Variants in CR2 observed in about 807,000 individuals in gnomAD.
The protein encoded by CR2 is complement C3d receptor 2.
A neutral mutation model predicts 123.0 loss-of-function variants in CR2; 96 were observed. The ratio of observed to expected loss-of-function variants is 0.78; its 90% confidence interval spans 0.66 to 0.93. The LOEUF (loss-of-function observed/expected upper bound fraction) is 0.93. CR2 is among the 40% of genes least tolerant of loss of function. The probability of loss-of-function intolerance (pLI) is 0.00; values close to 1 mark genes in which losing one functional copy is unlikely to be tolerated. For missense variants in CR2, 1,258 were observed against 1,361.0 expected (o/e 0.92, Z 1.19); for synonymous variants, 484 against 469.5 (o/e 1.03, Z -0.40).
chr1:207,478,856 C>T (rs1359090784), intron 16 of CR2, among the ~76,000 whole-genome samples: 1 of 151,544 alleles, frequency 6.6e-6, no homozygotes, highest in African/African-American at 2.4e-5. Flanking sequence ...TTGTTTTTGT[C>T]ATTGGTGGAC....
At chr1:207,458,069 C>CACACACACACACAT (rs1476461312) in intron 1 of CR2, among the ~76,000 whole-genome samples, 1 of 146,938 alleles carries the variant, frequency 6.8e-6, no homozygotes, top group Admixed American at 6.7e-5. Flanking sequence ...AACACACACA[C>CACACACACACACAT]ACACACACAC....
intron 1 of CR2, among the ~76,000 whole-genome samples, chr1:207,456,223 C>T (rs1226932894): frequency 6.6e-6 from 1 of 152,192 alleles, no homozygotes; most frequent in Non-Finnish European, 1.5e-5. Context: ...CTTGTATGCG[C>T]TGCTCATGGT....
rs1658317412 is a variant in CR2, at chr1:207,472,778, C to T, written c.1577C>T (p.Thr526Ile). The T allele has an allele frequency of 6.2e-7, 1 of 1,613,720 alleles. No individual in the cohort carries two copies. The highest frequency in any genetic ancestry group is 1.3e-5 in the African/African-American group (1 of 75,000). ...TATCTTTTCATCTCTCTAGAAATCA[C>T]CTGCCCACCACCCCCTGTTATCTAC... is the stretch of plus-strand genomic sequence containing the variant. ...FMEIRLCKEITCPPPPVIYNG... is the reference protein window; with the variant it reads ...FMEIRLCKEIICPPPPVIYNG... Residue 526 changes from threonine to isoleucine, a missense_variant, in exon 10 of 20, where the codon ACC (threonine) becomes ATC (isoleucine). Physicochemically the swap from Thr to Ile is moderately conservative, Grantham distance 89 (BLOSUM62 -1). Transcript: ENST00000367057.
rs559927943 is a variant in CR2 at position 207,468,282 on chromosome 1, A to G, written c.446-245A>G. 364 of 533,514 alleles carry G rather than the reference A, an allele frequency of 6.8e-4. 1 individual carries two copies. Among genetic ancestry groups the G allele is most frequent in the Admixed American group, 9.3e-4 (29 of 31,216 alleles). 33.0% of individuals were successfully genotyped at this position (533,514 alleles called of 1,614,324 possible). ...GCTACCCGTGGACAGCATGTGGCCC[A>G]GGATGGCTTTGAATGTGGCCCAACA... On this transcript the variant is annotated intron_variant, in intron 2 of 19. Coordinates refer to ENST00000367057, the MANE Select transcript of CR2 (RefSeq NM_001006658.3).
chr1:207,470,140 CG>C (rs1323028820), intron 6 of CR2, 38 bp downstream of exon 6: 1 of 1,610,752 alleles, frequency 6.2e-7, no homozygotes, highest in African/African-American at 1.3e-5. Context: ...GCTTCTGATT[CG>C]TTTCTGAAAA....
Position 207,473,714 on chromosome 1 carries a change from G to C in CR2, c.2148G>C (p.Arg716=). The change falls in exon 11 of 20, where the codon CGG becomes CGC. Residue 716 remains arginine, a synonymous_variant. Transcript: ENST00000367057. Reference sequence around the variant, plus strand: ...GAAATTGGAGTCCTTCTGCCCCACGGTGTGAAGGTACTTTAAGTTCCAGAG... The same window carrying C: ...GAAATTGGAGTCCTTCTGCCCCACGCTGTGAAGGTACTTTAAGTTCCAGAG... ...PSGNWSPSAP[R]CEETCQHVRQ... 6.2e-7 allele frequency: 1 copy of C among 1,613,950 alleles called. No homozygotes were observed. Among genetic ancestry groups the C allele is most frequent in the East Asian group, 2.2e-5 (1 of 44,888 alleles).
chr1:207,484,725 C>A (rs1320860051), intron 18 of CR2, among the ~76,000 whole-genome samples: 2 of 152,088 alleles, frequency 1.3e-5, no homozygotes, highest in African/African-American at 4.8e-5. Flanking sequence ...ATTTTATTGT[C>A]TTTTAGTAAT....
chr1:207,474,426 C>T (rs920817974), intron 13 of CR2, 103 bp downstream of exon 13: 3 of 871,392 alleles, frequency 3.4e-6, no homozygotes, highest in Non-Finnish European at 5.8e-6. Flanking sequence ...TTAGGCGTCT[C>T]CCTCATTGGA....
intron 1 of CR2, among the ~76,000 whole-genome samples, chr1:207,461,061 A>G (rs1158597743): frequency 6.6e-6 from 1 of 152,160 alleles, no homozygotes; most frequent in Non-Finnish European, 1.5e-5. Context: ...TTTGTATTTA[A>G]AGATTTTTAC....
At chr1:207,456,357 A>C (rs311304) in intron 1 of CR2, among the ~76,000 whole-genome samples, 104,515 of 152,034 alleles carry the variant, frequency 0.69, 36,366 homozygotes, top group East Asian at 0.89. Flanking sequence ...GCTTAATAAA[A>C]TACTAAAGTA....
intron 1 of CR2, among the ~76,000 whole-genome samples, chr1:207,461,832 G>A (rs370205493): frequency 8.5e-5 from 13 of 152,170 alleles, no homozygotes; most frequent in East Asian, 7.7e-4. Flanking sequence ...TGGGTCTGTC[G>A]CTGTATCTGG....
At chr1:207,469,543 A>G (rs1658202366) in intron 5 of CR2, 152 bp from the exon 6 acceptor site, 1 of 733,298 alleles carries the variant, frequency 1.4e-6, no homozygotes, top group South Asian at 1.6e-5. Flanking sequence ...TTGAGAATCA[A>G]TCTTCTAAAT....
At chr1:207,470,127 G>T (rs200569205) in intron 6 of CR2, 25 bp downstream of exon 6, 9 of 1,612,274 alleles carry the variant, frequency 5.6e-6, no homozygotes, top group Non-Finnish European at 6.8e-6. Flanking sequence ...ACTCAGAAAA[G>T]GTGCTTCTGA....
chr1:207,475,179 C>T lies in CR2; in HGVS notation c.2679C>T (p.Asn893=). 1 of 1,613,640 alleles carries T rather than the reference C, an allele frequency of 6.2e-7. No homozygotes were observed. The highest frequency in any genetic ancestry group is 8.5e-7 in the Non-Finnish European group (1 of 1,179,856). Residue 893 remains asparagine, a synonymous_variant, in exon 14 of 20, where the codon AAC becomes AAT. Transcript: ENST00000367057. ...GSRVIRCHTD[N]TWVPGVPTCI... is the part of the protein sequence containing the mutation. ...GCGTGATTAGGTGTCATACTGATAA[C>T]ACATGGGTGCCAGGTGTGCCAACTT...
rs573658415 is a variant in CR2 at position 207,475,243 on chromosome 1, T to C, written c.2716+27T>C. 31 of 1,613,256 alleles carry C rather than the reference T, an allele frequency of 1.9e-5. No homozygotes were observed. The African/African-American group carries it at 3.5e-4, about 18-fold the overall frequency. On this transcript the variant is annotated intron_variant, in intron 14 of 19. Transcript: ENST00000367057. ...TAAGATACTTGGAAGGGATAAGTTA[T>C]GGGATGTTGTACAGAATAAAGAAAA...
chr1:207,473,058 A>G lies in CR2; in HGVS notation c.1857A>G (p.Pro619=). 1 of 1,614,028 alleles carries G rather than the reference A, an allele frequency of 6.2e-7. No individual in the cohort carries two copies. ...ACAAGATATCTGGCAAGGAAGCCCC[A>G]TATTTCTACAATGACACTGTGACAT... The part of the protein sequence containing the change: ...NGYKISGKEA[P]YFYNDTVTFK... Residue 619 remains proline (P), a synonymous_variant, in exon 10 of 20, where the codon CCA becomes CCG. Transcript: ENST00000367057.
chr1:207,471,443 T>C lies in CR2; in HGVS notation c.1514T>C (p.Val505Ala). 1 of 1,613,014 alleles carries C rather than the reference T, an allele frequency of 6.2e-7. No individual in the cohort carries two copies. The highest frequency in any genetic ancestry group is 1.7e-5 in the Admixed American group (1 of 59,988). ...TCTAGGTACAAGTTAAGTGGGAGTG[T>C]TTATCAGGAGTGTCAAGGCACAATT... Reference protein sequence around the residue: ...CGEGYKLSGSVYQECQGTIPW... With the variant: ...CGEGYKLSGSAYQECQGTIPW... Residue 505 changes from valine (V) to alanine (A), a missense_variant, in exon 9 of 20, where the codon GTT becomes GCT. Physicochemically the swap from Val to Ala is moderately conservative, Grantham distance 64. Coordinates refer to ENST00000367057, the MANE Select transcript of CR2 (RefSeq NM_001006658.3).
At chr1:207,480,097 G>A (rs1558196890) in intron 18 of CR2, 44 bp downstream of exon 18, 4 of 1,431,564 alleles carry the variant, frequency 2.8e-6, no homozygotes, top group Non-Finnish European at 3.9e-6. Flanking sequence ...ATGCACAAGT[G>A]GTTTCGGCTT....
intron 14 of CR2, 107 bp from the exon 15 acceptor site, chr1:207,476,127 A>T: frequency 1.0e-6 from 1 of 985,456 alleles, no homozygotes; most frequent in Non-Finnish European, 1.6e-6. Context: ...GATACCAGTT[A>T]GTTGGCTTGT....
Sources: gnomAD v4.1 joint callset for allele counts (sites outside exome capture counted in the v4.1 genomes callset) on GRCh38, gnomAD v4.1.1 for gene constraint, MANE v1.5 for transcripts, NCBI Gene and HGNC (gene_info 2026-07-23, HGNC 2026-07-21) for gene names.